Variants in ABCC10 observed in about 807,000 individuals in gnomAD.
ABCC10 encodes the protein ATP binding cassette subfamily C member 10.
Under a neutral mutation model 143.2 loss-of-function variants are expected in ABCC10, and 110 were observed. That is an observed-to-expected ratio of 0.77 (90% CI 0.66 to 0.90). The LOEUF (loss-of-function observed/expected upper bound fraction) is 0.90, where lower values mean the gene tolerates loss of function less well. Ranked by LOEUF, ABCC10 falls within the 40% of genes least tolerant of loss-of-function variation. ABCC10 has a pLI of 0.00. For synonymous variants in ABCC10, 805 were observed against 846.7 expected, an observed-to-expected ratio of 0.95 and a Z score of 0.85; for missense variants, 1,700 against 1,900.5, an observed-to-expected ratio of 0.89 and a Z score of 1.96.
intron 13 of ABCC10, 79 bp from the exon 14 acceptor site, chr6:43,445,044 GGA>G: frequency 2.5e-6 from 4 of 1,587,800 alleles, no homozygotes; most frequent in Non-Finnish European, 3.4e-6. Flanking sequence ...CTGGAGGGTG[GGA>G]GAGATGGCAT....
chr6:43,433,349 G>T lies in ABCC10; in HGVS notation c.1369G>T (p.Ala457Ser). ...CCAGGAAATGCTACAGCACAAGGAT[G>T]CGCGGGTTAAGGTGAGCGGGTACTT... ...SNQEMLQHKDARVKLVTELLS... is the reference protein window; with the variant it reads ...SNQEMLQHKDSRVKLVTELLS... Residue 457 changes from alanine to serine, a missense_variant, in exon 3 of 22, where the codon GCG (alanine) becomes TCG (serine). Physicochemically the swap from Ala to Ser is moderately conservative, Grantham distance 99 (BLOSUM62 1). Coordinates refer to ENST00000372530, the MANE Select transcript of ABCC10 (RefSeq NM_001198934.2). 1 of 1,611,396 alleles carries T rather than the reference G, an allele frequency of 6.2e-7. No individual in the cohort carries two copies. The highest frequency in any genetic ancestry group is 1.3e-5 in the African/African-American group (1 of 75,036).
At chr6:43,446,129 G>A in intron 15 of ABCC10, 148 bp from the exon 16 acceptor site, 1 of 1,123,514 alleles carries the variant, frequency 8.9e-7, no homozygotes, top group East Asian at 2.4e-5. Context: ...GAGCACACTG[G>A]CATCTGCAGC....
intron 15 of ABCC10, 72 bp from the exon 16 acceptor site, chr6:43,446,205 C>T (rs1783051963): frequency 9.1e-6 from 14 of 1,544,900 alleles, no homozygotes; most frequent in Non-Finnish European, 1.2e-5. Flanking sequence ...AGGGCCTTCC[C>T]TGTTGAGGCC....
At chr6:43,450,739 C>T, downstream of ABCC10, 1 of 1,614,204 alleles carries the variant, frequency 6.2e-7, no homozygotes, top group South Asian at 1.1e-5. This position sits in a 1 kb window ranked among gnomAD's most constrained non-coding sequence, Gnocchi z 4.5. Context: ...ACCAGGGCAG[C>T]AGTGAGGGCC....
At chr6:43,446,182 G>C (rs1031579668) in intron 15 of ABCC10, 95 bp from the exon 16 acceptor site, 7 of 1,446,094 alleles carry the variant, frequency 4.8e-6, no homozygotes, top group Admixed American at 2.0e-5. Flanking sequence ...TCCCAAGAAG[G>C]AGCTGCTCAA....
Position 43,443,004 on chromosome 6 carries a change from C to T in ABCC10, c.2261C>T (p.Ala754Val). 1.2e-6 allele frequency: 2 copies of T among 1,607,630 alleles called. No individual in the cohort carries two copies. Among genetic ancestry groups the T allele is most frequent in the South Asian group, 1.1e-5 (1 of 90,076 alleles). The change falls in exon 10 of 22, where the codon GCC becomes GTC. Residue 754 changes from alanine (A) to valine (V), a missense_variant. Physicochemically the swap from Ala to Val is moderately conservative, Grantham distance 64. Transcript: ENST00000372530. The surrounding 1 kb of genome is among the most constrained non-coding windows in gnomAD (Gnocchi z 4.2). ...KELYLLDDPL[A>V]AVDADVANHL... The stretch of plus-strand genomic sequence containing the variant: ...CTCTATCTCCTCGATGACCCTCTGG[C>T]CGCTGTGGATGCAGATGTGGCCAAC...
intron 4 of ABCC10, 78 bp downstream of exon 4, chr6:43,434,926 T>C (rs1457046655): frequency 6.8e-7 from 1 of 1,464,992 alleles, no homozygotes; most frequent in African/African-American, 1.4e-5. Flanking sequence ...CCCTCAGTGC[T>C]GGCTGAGAAG....
intron 8 of ABCC10, among the ~76,000 whole-genome samples, chr6:43,441,584 GGT>G (rs1230931520): frequency 1.3e-5 from 2 of 152,180 alleles, no homozygotes; most frequent in African/African-American, 4.8e-5. Flanking sequence ...TCTGAGCTTT[GGT>G]TGCACCTGAG....
intron 16 of ABCC10, 117 bp from the exon 17 acceptor site, chr6:43,447,131 C>G (rs1231741132): frequency 3.7e-6 from 5 of 1,334,204 alleles, no homozygotes; most frequent in Non-Finnish European, 3.1e-6. Context: ...CAGGCGTGAG[C>G]CACCGCGCCC....
At chr6:43,446,784 C>T in intron 16 of ABCC10, 1 of 1,194,816 alleles carries the variant, frequency 8.4e-7, no homozygotes. Context: ...ACCCCCTGCC[C>T]TGCATCTGGC....
chr6:43,436,746 C>G (rs1000885104), intron 6 of ABCC10, among the ~76,000 whole-genome samples: 3 of 152,250 alleles, frequency 2.0e-5, no homozygotes, highest in Non-Finnish European at 4.4e-5. Context: ...ACCTCCTGTT[C>G]TGAGTTTTCA....
At chr6:43,437,315 G>A (rs1038821361) in intron 6 of ABCC10, among the ~76,000 whole-genome samples, 2 of 151,940 alleles carry the variant, frequency 1.3e-5, no homozygotes, top group Non-Finnish European at 2.9e-5. Context: ...GGCTGGCAGG[G>A]TTGGGGCATC....
intron 21 of ABCC10, 85 bp downstream of exon 21, chr6:43,449,619 T>G: frequency 8.5e-7 from 1 of 1,170,490 alleles, no homozygotes; most frequent in Non-Finnish European, 1.2e-6. Context: ...ACCCCAGTGG[T>G]CAGGGCCTTA....
rs1161799624 is a variant in ABCC10, at chr6:43,444,332, TTC to T, written c.2674_2675del (p.Leu892AlafsTer11). On this transcript the variant is annotated frameshift_variant, in exon 12 of 22. Transcript: ENST00000372530. LOFTEE classifies it high-confidence loss of function. ...VGQGLALAILFSLLLMQATRN... is the reference protein window; with the variant it reads ...VGQGLALAILXSLLLMQATRN... ...CCAGGGCTTGGCCTTAGCCATCCTC[TTC>T]TCTCTGCTTCTCATGCAAGGTGAGA... 2 of 1,607,920 alleles carry T rather than the reference TTC, an allele frequency of 1.2e-6. No individual in the cohort carries two copies. The highest frequency in any genetic ancestry group is 2.7e-5 in the African/African-American group (2 of 74,586).
intron 4 of ABCC10, among the ~76,000 whole-genome samples, 169 bp from the exon 5 acceptor site, chr6:43,435,582 G>T (rs1781602502): frequency 6.6e-6 from 1 of 152,082 alleles, no homozygotes; most frequent in Non-Finnish European, 1.5e-5. Flanking sequence ...GAATTTCTAG[G>T]ATTCTTTAAG....
Position 43,445,635 on chromosome 6 carries a change from C to T in ABCC10, c.3067C>T (p.Arg1023Trp), listed in dbSNP as rs148055889. 12 of 1,613,572 alleles carry T rather than the reference C, an allele frequency of 7.4e-6. No homozygotes were observed. The highest frequency in any genetic ancestry group is 3.3e-5 in the South Asian group (3 of 91,078). Reference sequence around the variant, plus strand: ...TTTCTTCAATGCCACACCCACGGGCCGGATCCTAAACCGCTTCTCCTCTGA... The same window carrying T: ...TTTCTTCAATGCCACACCCACGGGCTGGATCCTAAACCGCTTCTCCTCTGA... ...VTFFNATPTG[R>W]ILNRFSSDVA... is the part of the protein sequence containing the mutation. Residue 1023 changes from arginine (R) to tryptophan (W), a missense_variant, in exon 15 of 22, where the codon CGG becomes TGG. By Grantham distance (101) the Arg-to-Trp change is moderately radical (BLOSUM62 -3). Transcript: ENST00000372530.
At position 43,438,031 on chromosome 6, in the gene ABCC10, C is replaced by T. The variant is rs755694475; in HGVS notation, c.1955+18C>T. 1 of 1,606,932 alleles carries T rather than the reference C, an allele frequency of 6.2e-7. No homozygotes were observed. Among genetic ancestry groups the T allele is most frequent in the Non-Finnish European group, 8.5e-7 (1 of 1,176,424 alleles). ...CTCCACAGGTAACCAACCTCCTATG[C>T]ACCCCTGTCCTTACTTTGTCCTTTA... On this transcript the variant is annotated intron_variant, in intron 7 of 21. Coordinates refer to ENST00000372530, the MANE Select transcript of ABCC10 (RefSeq NM_001198934.2).
chr6:43,450,120 C>T lies in ABCC10; in HGVS notation c.*29C>T. On this transcript the variant is annotated 3_prime_UTR_variant, in exon 22 of 22. Transcript: ENST00000372530. The surrounding 1 kb of genome is among the most constrained non-coding windows in gnomAD (Gnocchi z 4.5). ...CAATCCCACACCCTGCAGAGTTCTCCCCTCTCTCTGATCCAGGCCGGGCCT... is the reference window on the plus strand; with the variant it reads ...CAATCCCACACCCTGCAGAGTTCTCTCCTCTCTCTGATCCAGGCCGGGCCT... The T allele has an allele frequency of 6.4e-7, 1 of 1,563,424 alleles. No individual in the cohort carries two copies. Among genetic ancestry groups the T allele is most frequent in the Non-Finnish European group, 8.7e-7 (1 of 1,152,156 alleles).
Position 43,447,418 on chromosome 6 carries a change from T to C in ABCC10, c.3705+10T>C. 6.2e-7 allele frequency: 1 copy of C among 1,612,102 alleles called. No homozygotes were observed. The stretch of plus-strand genomic sequence containing the variant: ...GGGCCAGCCACTGCAGGTGGGCCTG[T>C]ACCCCCACCCCAGGCCAAAGCTCTG... On this transcript the variant is annotated intron_variant, in intron 17 of 21. Coordinates refer to ENST00000372530, the MANE Select transcript of ABCC10 (RefSeq NM_001198934.2).
Sources: gnomAD v4.1 joint callset for allele counts (sites outside exome capture counted in the v4.1 genomes callset) on GRCh38, gnomAD v4.1.1 for gene constraint, Gnocchi (gnomAD v3.1) non-coding constraint, MANE v1.5 for transcripts, NCBI Gene and HGNC (gene_info 2026-07-23, HGNC 2026-07-21) for gene names.